MKLN1: variants seen among roughly 807,000 people sequenced by gnomAD.
MKLN1 encodes the protein muskelin.
MKLN1 carries 18 observed loss-of-function variants against 99.0 expected under a neutral mutation model. That is an observed-to-expected ratio of 0.18 (90% CI 0.13 to 0.27). The LOEUF is 0.27. Ranked by LOEUF, MKLN1 falls within the 10% of genes least tolerant of loss-of-function variation. The pLI is 1.00. For synonymous variants in MKLN1, 288 were observed against 293.2 expected (o/e 0.98, Z 0.18); for missense variants, 621 against 875.9 (o/e 0.71, Z 3.67).
At chr7:131,130,715 CATTTAT>C (rs1795536864) in intron 1 of MKLN1, among the ~76,000 whole-genome samples, 1 of 152,160 alleles carries the variant, frequency 6.6e-6, no homozygotes, top group East Asian at 1.9e-4. Flanking sequence ...TTTATTATTA[CATTTAT>C]TACTAATGTA....
At chr7:131,118,435 G>C (rs1465682993) in intron 1 of MKLN1, among the ~76,000 whole-genome samples, 2 of 152,008 alleles carry the variant, frequency 1.3e-5, no homozygotes, top group Non-Finnish European at 2.9e-5. Flanking sequence ...CACCTGTAAT[G>C]CCAGCTACTC....
intron 3 of MKLN1, among the ~76,000 whole-genome samples, chr7:131,249,669 C>T (rs1354234342): frequency 6.6e-6 from 1 of 152,076 alleles, no homozygotes; most frequent in African/African-American, 2.4e-5. Flanking sequence ...CCCAAGAATG[C>T]ATGGAAGGCT....
At chr7:131,294,237 G>A (rs1411885507) in intron 3 of MKLN1, among the ~76,000 whole-genome samples, 1 of 152,192 alleles carries the variant, frequency 6.6e-6, no homozygotes, top group Non-Finnish European at 1.5e-5. Context: ...AAATGGAACT[G>A]TAGTAATGGA....
chr7:131,125,096 G>A (rs1002773153), intron 1 of MKLN1, among the ~76,000 whole-genome samples: 3 of 152,164 alleles, frequency 2.0e-5, no homozygotes, highest in African/African-American at 7.2e-5. Flanking sequence ...AGCATGCCTT[G>A]TGATCCTGTT....
At chr7:131,354,247 C>G (rs1215147868) in intron 1 of MKLN1, among the ~76,000 whole-genome samples, 1 of 152,006 alleles carries the variant, frequency 6.6e-6, no homozygotes, top group Non-Finnish European at 1.5e-5. Flanking sequence ...TCGAGTCTTC[C>G]AGTCCACGAG....
intron 16 of MKLN1, chr7:131,471,820 T>G (rs1260174660): frequency 6.6e-6 from 1 of 152,150 alleles, no homozygotes; most frequent in Non-Finnish European, 1.5e-5. Context: ...TTGACACAGG[T>G]GTCAGATTTA....
chr7:131,488,167 TTCAC>T lies in MKLN1; in HGVS notation c.*441_*444del, dbSNP rs1411474845. The T allele has an allele frequency of 6.6e-6, 1 of 152,120 alleles. No individual in the cohort carries two copies. Among genetic ancestry groups the T allele is most frequent in the Non-Finnish European group, 1.5e-5 (1 of 68,054 alleles). The allele number at this position is 152,120 out of a possible 1,614,324, so 9.4% of individuals were successfully genotyped here. ...TTTGGCCTGCCTTTTCCCTTCCTAT[TTCAC>T]TTTGCCTCCCATCACACAACTGCGT... On this transcript the variant is annotated 3_prime_UTR_variant, in exon 18 of 18. Transcript: ENST00000352689.
At chr7:131,248,366 T>C (rs1797527657) in intron 3 of MKLN1, among the ~76,000 whole-genome samples, 1 of 152,204 alleles carries the variant, frequency 6.6e-6, no homozygotes, top group South Asian at 2.1e-4. Flanking sequence ...TAGTTACCCC[T>C]CTATCTCTGC....
chr7:131,395,023 T>C (rs1300138218), intron 4 of MKLN1, among the ~76,000 whole-genome samples: 1 of 152,046 alleles, frequency 6.6e-6, no homozygotes, highest in African/African-American at 2.4e-5. Flanking sequence ...TTTATTAATA[T>C]CACATCTAAT....
intron 1 of MKLN1, among the ~76,000 whole-genome samples, chr7:131,344,748 T>G (rs184954818): frequency 6.6e-6 from 1 of 152,320 alleles, no homozygotes; most frequent in Non-Finnish European, 1.5e-5. Context: ...TGGTTCTCAA[T>G]TCTTTTAAAC....
intron 3 of MKLN1, among the ~76,000 whole-genome samples, chr7:131,247,732 T>C (rs1352010970): frequency 2.0e-5 from 3 of 152,200 alleles, no homozygotes; most frequent in Non-Finnish European, 2.9e-5. Flanking sequence ...TTAAAATTAT[T>C]TATTTCTATA....
chr7:131,387,275 T>C lies in MKLN1; in HGVS notation c.311+13T>C. ...AGCTGTTGTCCAGGTGAGTTATGGT[T>C]ATGTTGAAGAGAGCTGTCTTCTAAA... On this transcript the variant is annotated intron_variant, in intron 3 of 17. Coordinates refer to ENST00000352689, the MANE Select transcript of MKLN1 (RefSeq NM_013255.5). 1 of 1,602,686 alleles carries C rather than the reference T, an allele frequency of 6.2e-7. No homozygotes were observed. The highest frequency in any genetic ancestry group is 1.1e-5 in the South Asian group (1 of 88,750).
At chr7:131,472,947 C>A (rs1333066948) in intron 16 of MKLN1, among the ~76,000 whole-genome samples, 19 of 81,128 alleles carry the variant, frequency 2.3e-4, no homozygotes, top group African/African-American at 7.9e-4. Context: ...GATTCCATCT[C>A]AAAAAAAAAA....
chr7:131,371,977 T>C (rs1172506456), intron 1 of MKLN1, among the ~76,000 whole-genome samples: 1 of 152,024 alleles, frequency 6.6e-6, no homozygotes, highest in Non-Finnish European at 1.5e-5. Flanking sequence ...TTAGAAGATA[T>C]GTGGTACGTT....
Position 131,437,904 on chromosome 7 carries a change from C to T in MKLN1, c.1080C>T (p.Asp360=). The change falls in exon 10 of 18, where the codon GAC becomes GAT. Residue 360 remains aspartate, a synonymous_variant. Transcript: ENST00000352689. ...SVRNSKSLKS[D]FYRYDIDTNT... is the part of the protein sequence containing the mutation. ...GGAACAGCAAATCTCTGAAAAGTGA[C>T]TTCTATCGTTATGACATTGATACAA... is the stretch of plus-strand genomic sequence containing the variant. 1 of 1,613,832 alleles carries T rather than the reference C, an allele frequency of 6.2e-7. No individual in the cohort carries two copies. Among genetic ancestry groups the T allele is most frequent in the Non-Finnish European group, 8.5e-7 (1 of 1,179,808 alleles).
chr7:131,202,822 T>C (rs6467365), intron 2 of MKLN1: 58,376 of 152,040 alleles, frequency 0.38, 11,770 homozygotes, highest in South Asian at 0.59. Flanking sequence ...TCTGATTCAT[T>C]GCTCTACCAC....
Position 131,487,722 on chromosome 7 carries a change from A to G in MKLN1, c.2202A>G (p.Thr734=). The change falls in exon 18 of 18, where the codon ACA becomes ACG. Residue 734 remains threonine (T), a synonymous_variant. Transcript: ENST00000352689. This position sits in a 1 kb window ranked among gnomAD's most constrained non-coding sequence, Gnocchi z 4.7. ...PPKGNLVDLI[T]L is the part of the protein sequence containing the mutation. ...AAGGCAACCTGGTAGACCTCATCAC[A>G]CTGTAACTGAAGAGTCACTGGACAC... is the stretch of plus-strand genomic sequence containing the variant. 1.2e-6 allele frequency: 2 copies of G among 1,611,240 alleles called. No individual in the cohort carries two copies. Among genetic ancestry groups the G allele is most frequent in the Non-Finnish European group, 1.7e-6 (2 of 1,178,786 alleles).
chr7:131,482,532 G>T (rs1797154104), intron 17 of MKLN1, among the ~76,000 whole-genome samples: 1 of 152,154 alleles, frequency 6.6e-6, no homozygotes, highest in African/African-American at 2.4e-5. Flanking sequence ...GGAAAAAAAT[G>T]AGAATTCATG....
At chr7:131,415,430 A>T (rs1794989902) in intron 8 of MKLN1, among the ~76,000 whole-genome samples, 1 of 152,164 alleles carries the variant, frequency 6.6e-6, no homozygotes, top group African/African-American at 2.4e-5. Flanking sequence ...GGAGACTCAT[A>T]TTCTAAAATA....
Sources: allele counts gnomAD v4.1 joint callset (sites outside exome capture counted in the v4.1 genomes callset), GRCh38; gene constraint gnomAD v4.1.1; non-coding constraint Gnocchi (gnomAD v3.1); transcripts MANE v1.5; gene names NCBI Gene and HGNC (gene_info 2026-07-23, HGNC 2026-07-21).